The following MSI2 variants were observed in gnomAD, a reference collection of about 807,000 sequenced individuals.
The protein encoded by MSI2 is RNA-binding protein Musashi homolog 2.
MSI2 carries 17 observed loss-of-function variants against 45.6 expected under a neutral mutation model. That is an observed-to-expected ratio of 0.37 (90% CI 0.26 to 0.56). The LOEUF is 0.56. Among genes scored for constraint, MSI2 ranks in the 20% least tolerant of loss-of-function variants. MSI2 has a pLI of 0.77. For missense variants in MSI2, 293 were observed against 444.2 expected, an observed-to-expected ratio of 0.66 and a Z score of 3.06; for synonymous variants, 156 against 158.2, an observed-to-expected ratio of 0.99 and a Z score of 0.11.
intron 5 of MSI2, among the ~76,000 whole-genome samples, chr17:57,276,685 CT>C (rs1386910254): frequency 2.0e-5 from 3 of 152,196 alleles, no homozygotes; most frequent in Admixed American, 6.5e-5. Context: ...TGCTGTTTGC[CT>C]CAGTTTCCTT....
chr17:57,673,722 C>G (rs1912997883), intron 11 of MSI2, among the ~76,000 whole-genome samples: 1 of 152,066 alleles, frequency 6.6e-6, no homozygotes, highest in Non-Finnish European at 1.5e-5. Flanking sequence ...TTGGGGGGGC[C>G]GAGGCAGTGT....
At chr17:57,557,774 T>C (rs553105077) in intron 7 of MSI2, among the ~76,000 whole-genome samples, 3 of 152,194 alleles carry the variant, frequency 2.0e-5, no homozygotes, top group Admixed American at 6.5e-5. Context: ...TGAAATACCA[T>C]TGATGAGAAG....
intron 5 of MSI2, among the ~76,000 whole-genome samples, chr17:57,385,510 G>A (rs1340639757): frequency 7.2e-5 from 11 of 152,082 alleles, no homozygotes; most frequent in Admixed American, 7.2e-4. Flanking sequence ...AACTAGTCAG[G>A]CATGGTGGCA....
intron 11 of MSI2, among the ~76,000 whole-genome samples, chr17:57,667,391 T>C (rs17657283): frequency 0.05 from 7,547 of 152,232 alleles, 259 homozygotes; most frequent in Middle Eastern, 0.11. Flanking sequence ...TAAGGTGTTG[T>C]TGAAGCATCC....
chr17:57,278,239 GATTGACATTCT>G (rs1909053856), intron 5 of MSI2: 2 of 152,450 alleles, frequency 1.3e-5, no homozygotes, highest in African/African-American at 4.8e-5. Context: ...GAGCTCCATA[GATTGACATTCT>G]GATTTGAACA....
At chr17:57,348,160 T>A (rs1915766600) in intron 5 of MSI2, among the ~76,000 whole-genome samples, 1 of 152,202 alleles carries the variant, frequency 6.6e-6, no homozygotes, top group South Asian at 2.1e-4. Flanking sequence ...ACCTTCCTAG[T>A]GGTACAAGTT....
At chr17:57,426,192 T>G (rs1044730739) in intron 6 of MSI2, among the ~76,000 whole-genome samples, 5 of 152,142 alleles carry the variant, frequency 3.3e-5, no homozygotes, top group African/African-American at 4.8e-5. Flanking sequence ...AGTGGATGTG[T>G]TTAGTCGTGA....
chr17:57,295,926 G>GAATCTC (rs1006287271), intron 5 of MSI2, among the ~76,000 whole-genome samples: 3 of 135,084 alleles, frequency 2.2e-5, no homozygotes, highest in African/African-American at 8.0e-5. Context: ...CTTTCTAAAA[G>GAATCTC]AATCTCATGC....
intron 6 of MSI2, among the ~76,000 whole-genome samples, chr17:57,453,631 C>T (rs558091152): frequency 2.0e-5 from 3 of 152,138 alleles, no homozygotes; most frequent in East Asian, 1.9e-4. Context: ...TACCTTGTGC[C>T]GGGCACGCTT....
chr17:57,656,119 G>A (rs1032057323), intron 11 of MSI2, among the ~76,000 whole-genome samples: 1 of 152,140 alleles, frequency 6.6e-6, no homozygotes, highest in African/African-American at 2.4e-5. Flanking sequence ...CTGAAGGATA[G>A]TGCGGGGACC....
intron 5 of MSI2, among the ~76,000 whole-genome samples, chr17:57,376,647 G>A (rs792364): frequency 0.032 from 4,796 of 152,238 alleles, 261 homozygotes; most frequent in African/African-American, 0.11. Flanking sequence ...GAGGCCCACC[G>A]TTGTCTTCCT....
At chr17:57,700,817 G>A in the MSI2 span, among the ~76,000 whole-genome samples, 4 of 151,856 alleles carry the variant, frequency 2.6e-5, no homozygotes, top group Non-Finnish European at 5.9e-5. Flanking sequence ...CAGGAGAATC[G>A]CTTGAACTCG....
At chr17:57,311,554 G>T (rs1447182894) in intron 5 of MSI2, among the ~76,000 whole-genome samples, 2 of 152,058 alleles carry the variant, frequency 1.3e-5, no homozygotes, top group Non-Finnish European at 2.9e-5. Context: ...CATAGTATTG[G>T]CTATATATAT....
At chr17:57,564,291 C>T (rs577678122) in intron 7 of MSI2, among the ~76,000 whole-genome samples, 2 of 152,196 alleles carry the variant, frequency 1.3e-5, no homozygotes, top group African/African-American at 4.8e-5. Flanking sequence ...TCAGGCATCA[C>T]GTGACTCCTA....
intron 5 of MSI2, among the ~76,000 whole-genome samples, chr17:57,270,840 T>C (rs10515136): frequency 0.045 from 6,885 of 152,262 alleles, 317 homozygotes; most frequent in East Asian, 0.25. Flanking sequence ...TGATTAGCAC[T>C]GTTGCTCCTT....
chr17:57,286,131 C>T (rs778652503), intron 5 of MSI2: 1 of 627,662 alleles, frequency 1.6e-6, no homozygotes, highest in Non-Finnish European at 2.4e-6. Flanking sequence ...AATTCCTTAT[C>T]TCATTTTTGG....
intron 9 of MSI2, among the ~76,000 whole-genome samples, chr17:57,619,474 G>A (rs1341623582): frequency 1.3e-5 from 2 of 152,232 alleles, no homozygotes; most frequent in African/African-American, 4.8e-5. Context: ...TTAGGAATCA[G>A]GGAAGTGGCA....
At chr17:57,414,300 C>T (rs1033130429) in intron 6 of MSI2, among the ~76,000 whole-genome samples, 4 of 152,104 alleles carry the variant, frequency 2.6e-5, no homozygotes, top group Non-Finnish European at 4.4e-5. Flanking sequence ...AGTTGGTGCT[C>T]AGTAAACAGT....
At chr17:57,693,346 G>A in the MSI2 span, among the ~76,000 whole-genome samples, 4 of 151,818 alleles carry the variant, frequency 2.6e-5, no homozygotes, top group East Asian at 1.9e-4. Flanking sequence ...CACACCTGGC[G>A]AAATTTTGTA....
Sources: allele counts gnomAD v4.1 joint callset (sites outside exome capture counted in the v4.1 genomes callset), GRCh38; gene constraint gnomAD v4.1.1; transcripts MANE v1.5; gene names NCBI Gene and HGNC (gene_info 2026-07-23, HGNC 2026-07-21).